SLC25A44: variants seen among roughly 807,000 people sequenced by gnomAD.
SLC25A44 encodes the protein solute carrier family 25, member 44.
A neutral mutation model predicts 29.9 loss-of-function variants in SLC25A44; 17 were observed. The observed-to-expected ratio is 0.57, with a 90% CI of 0.39 to 0.85. The LOEUF (loss-of-function observed/expected upper bound fraction) is 0.85. SLC25A44 is among the 40% of genes least tolerant of loss of function. The pLI, the probability that SLC25A44 is intolerant of heterozygous loss-of-function variation, is 0.00. For missense variants in SLC25A44, 302 were observed against 398.4 expected (o/e 0.76, Z 2.06); for synonymous variants, 140 against 151.8 (o/e 0.92, Z 0.57).
chr1:156,196,769 C>A (rs1656235760), intron 1 of SLC25A44: 1 of 152,266 alleles, frequency 6.6e-6, no homozygotes, highest in South Asian at 2.1e-4. Flanking sequence ...TGGAACAGAG[C>A]TGCAAGAAGT....
At chr1:156,205,217 ATT>A (rs776183406) in intron 2 of SLC25A44, among the ~76,000 whole-genome samples, 16 of 151,990 alleles carry the variant, frequency 1.1e-4, no homozygotes, top group Non-Finnish European at 2.2e-4. Flanking sequence ...CTAATTTTGT[ATT>A]TTTAGTAGAG....
chr1:156,203,786 C>G (rs1488157289), intron 2 of SLC25A44, among the ~76,000 whole-genome samples: 1 of 147,696 alleles, frequency 6.8e-6, no homozygotes, highest in Non-Finnish European at 1.5e-5. Context: ...TCACTGCAAG[C>G]CCCGCCTCCT....
intron 2 of SLC25A44, among the ~76,000 whole-genome samples, chr1:156,201,149 G>A (rs1656554351): frequency 6.6e-6 from 1 of 151,958 alleles, no homozygotes; most frequent in South Asian, 2.1e-4. Flanking sequence ...TAAATTCAAG[G>A]TGTGATATAA....
At chr1:156,195,968 A>G (rs1444665225) in intron 1 of SLC25A44, among the ~76,000 whole-genome samples, 3 of 152,194 alleles carry the variant, frequency 2.0e-5, no homozygotes, top group Admixed American at 6.5e-5. Context: ...ATTTCACTTG[A>G]TTACTTCAGG....
intron 2 of SLC25A44, among the ~76,000 whole-genome samples, chr1:156,204,518 C>A (rs537882551): frequency 6.6e-6 from 1 of 152,128 alleles, no homozygotes; most frequent in East Asian, 1.9e-4. Context: ...CGGAGTTTCA[C>A]TGTTGTTGCC....
At chr1:156,206,097 G>T (rs1656909510) in intron 2 of SLC25A44, among the ~76,000 whole-genome samples, 1 of 151,904 alleles carries the variant, frequency 6.6e-6, no homozygotes, top group Non-Finnish European at 1.5e-5. Context: ...TTTTAATATT[G>T]TTTTTATTTT....
intron 3 of SLC25A44, 88 bp from the exon 4 acceptor site, chr1:156,210,152 T>C: frequency 1.1e-6 from 1 of 944,742 alleles, no homozygotes; most frequent in Non-Finnish European, 1.6e-6. Flanking sequence ...GGAGTCTGGT[T>C]CTCCCCACTT....
intron 3 of SLC25A44, 27 bp downstream of exon 3, chr1:156,208,040 C>A (rs1420303282): frequency 6.2e-7 from 1 of 1,609,752 alleles, no homozygotes; most frequent in Non-Finnish European, 8.5e-7. Flanking sequence ...CCCTCACCCT[C>A]CTCCTGGAGA....
rs1656070655 is a variant in SLC25A44, at chr1:156,194,264, T to A, written c.-14+17T>A. On this transcript the variant is annotated intron_variant, in intron 1 of 3. Transcript: ENST00000359511. ...TCTGAGAAGGTAAGAAGCCGCCGGCTTGAGGTCCCTGACAACTAAGGTCTC... is the reference window on the plus strand; with the variant it reads ...TCTGAGAAGGTAAGAAGCCGCCGGCATGAGGTCCCTGACAACTAAGGTCTC... 1 of 152,728 alleles carries A rather than the reference T, an allele frequency of 6.5e-6. No homozygotes were observed. The highest frequency in any genetic ancestry group is 2.4e-5 in the African/African-American group (1 of 41,436). 9.5% of individuals were successfully genotyped at this position (152,728 alleles called of 1,614,324 possible).
At chr1:156,202,252 A>G (rs1656629558) in intron 2 of SLC25A44, among the ~76,000 whole-genome samples, 1 of 152,166 alleles carries the variant, frequency 6.6e-6, no homozygotes, top group African/African-American at 2.4e-5. Flanking sequence ...AGACTGCTGC[A>G]TCAGCTTTCT....
Position 156,200,231 on chromosome 1 carries a change from G to A in SLC25A44, c.384G>A (p.Val128=), listed in dbSNP as rs369619481. The A allele has an allele frequency of 7.4e-6, 12 of 1,614,214 alleles. No individual in the cohort carries two copies. In the African/African-American group the frequency reaches 1.2e-4, roughly 16 times the overall value. The part of the protein sequence containing the change: ...SASLVAQSIT[V]PIDVVSQHLM... ...CCCTTGTGGCCCAGAGCATCACAGT[G>A]CCCATTGATGTAGTCTCCCAGCACC... The change falls in exon 2 of 4, where the codon GTG becomes GTA. Residue 128 remains valine (V), a synonymous_variant. Coordinates refer to ENST00000359511, the MANE Select transcript of SLC25A44 (RefSeq NM_014655.4).
Position 156,194,123 on chromosome 1 carries a change from G to A in SLC25A44, c.-138G>A, listed in dbSNP as rs1238797788. The A allele has an allele frequency of 6.5e-6, 1 of 152,834 alleles. No individual in the cohort carries two copies. The highest frequency in any genetic ancestry group is 1.5e-5 in the Non-Finnish European group (1 of 68,076). 9.5% of individuals were successfully genotyped at this position (152,834 alleles called of 1,614,324 possible). ...CCGGCAGTACCGGTAGCCCAGTCGA[G>A]ATGGAGGAAGATGCGACCGGCAGAC... On this transcript the variant is annotated 5_prime_UTR_variant, in exon 1 of 4. Coordinates refer to ENST00000359511, the MANE Select transcript of SLC25A44 (RefSeq NM_014655.4).
chr1:156,200,025 G>T lies in SLC25A44; in HGVS notation c.178G>T (p.Ala60Ser). ...GKSLYHGTFD[A>S]FIKILRADGI... Reference sequence around the variant, plus strand: ...GAGCCTCTACCATGGGACCTTCGATGCCTTCATCAAGATCCTGCGAGCAGA... The same window carrying T: ...GAGCCTCTACCATGGGACCTTCGATTCCTTCATCAAGATCCTGCGAGCAGA... Residue 60 changes from alanine to serine, a missense_variant, in exon 2 of 4, where the codon GCC becomes TCC. Transcript: ENST00000359511. 6.2e-7 allele frequency: 1 copy of T among 1,614,138 alleles called. No homozygotes were observed. The highest frequency in any genetic ancestry group is 2.2e-5 in the East Asian group (1 of 44,888).
intron 1 of SLC25A44, among the ~76,000 whole-genome samples, 188 bp downstream of exon 1, chr1:156,194,435 G>A (rs1057186782): frequency 1.3e-5 from 2 of 152,226 alleles, no homozygotes; most frequent in South Asian, 4.1e-4. Context: ...AAGAAGCACG[G>A]CAAGGGGCAT....
At chr1:156,206,166 G>A (rs1656913115) in intron 2 of SLC25A44, among the ~76,000 whole-genome samples, 1 of 151,800 alleles carries the variant, frequency 6.6e-6, no homozygotes, top group Non-Finnish European at 1.5e-5. Context: ...AGTATGCAAC[G>A]AAAAGGCTCC....
chr1:156,199,094 T>C (rs1342348115), intron 1 of SLC25A44: 1 of 152,328 alleles, frequency 6.6e-6, no homozygotes, highest in African/African-American at 2.4e-5. Flanking sequence ...GGGTGCCCTG[T>C]GGTGTGAAAG....
Position 156,198,296 on chromosome 1 carries a change from A to ACCACAGGTGCATGCCACCATGCC in SLC25A44, c.-13-1539_-13-1538insCCACAGGTGCATGCCACCATGCC, listed in dbSNP as rs1558176412. On this transcript the variant is annotated intron_variant, in intron 1 of 3. Transcript: ENST00000359511. This position sits in a 1 kb window ranked among gnomAD's most constrained non-coding sequence, Gnocchi z 4.1. The stretch of plus-strand genomic sequence containing the variant: ...TACCACTAAGTATGTCTAATAAATG[A>ACCACAGGTGCATGCCACCATGCC]TGTCCTCTGATTTGACATTTCCTAA... The ACCACAGGTGCATGCCACCATGCC allele has an allele frequency of 6.6e-6, 1 of 152,114 alleles. No individual in the cohort carries two copies. The highest frequency in any genetic ancestry group is 2.4e-5 in the African/African-American group (1 of 41,388). 9.4% of individuals were successfully genotyped at this position (152,114 alleles called of 1,614,324 possible).
chr1:156,209,517 T>C (rs1657160176), intron 3 of SLC25A44, among the ~76,000 whole-genome samples: 1 of 152,100 alleles, frequency 6.6e-6, no homozygotes, highest in Non-Finnish European at 1.5e-5. Context: ...GTCTGTCCTG[T>C]ATTGGCCGAG....
At chr1:156,203,157 C>T (rs1241277169) in intron 2 of SLC25A44, among the ~76,000 whole-genome samples, 1 of 152,182 alleles carries the variant, frequency 6.6e-6, no homozygotes, top group Non-Finnish European at 1.5e-5. Flanking sequence ...CCCTCAGTTC[C>T]TGGTATACAT....
Sources: gnomAD v4.1 joint callset for allele counts (sites outside exome capture counted in the v4.1 genomes callset) on GRCh38, gnomAD v4.1.1 for gene constraint, Gnocchi (gnomAD v3.1) non-coding constraint, MANE v1.5 for transcripts, NCBI Gene and HGNC (gene_info 2026-07-23, HGNC 2026-07-21) for gene names.